Variants in MGAT4C observed in about 807,000 individuals in gnomAD.
MGAT4C encodes the protein MGAT4 family member C.
MGAT4C carries 19 observed loss-of-function variants against 40.1 expected under a neutral mutation model. That is an observed-to-expected ratio of 0.47 (90% confidence interval 0.33 to 0.70). The LOEUF is 0.70. Ranked by LOEUF, MGAT4C falls within the 30% of genes least tolerant of loss-of-function variation. The pLI is 0.02. For missense variants in MGAT4C, 491 were observed against 563.2 expected, an observed-to-expected ratio of 0.87 and a Z score of 1.30; for synonymous variants, 181 against 187.1, an observed-to-expected ratio of 0.97 and a Z score of 0.27.
At chr12:85,992,230 G>T (rs1428107054) in intron 2 of MGAT4C, among the ~76,000 whole-genome samples, 1 of 152,236 alleles carries the variant, frequency 6.6e-6, no homozygotes, top group African/African-American at 2.4e-5. Flanking sequence ...ATGGAGAACA[G>T]ACTTTCTGGG....
At chr12:86,733,112 T>A (rs564712659) in intron 1 of MGAT4C, among the ~76,000 whole-genome samples, 5 of 152,194 alleles carry the variant, frequency 3.3e-5, no homozygotes, top group African/African-American at 1.2e-4. Flanking sequence ...CTATCCAGTA[T>A]AAAGAAAGGT....
intron 1 of MGAT4C, among the ~76,000 whole-genome samples, chr12:86,784,434 G>C (rs543650891): frequency 6.6e-6 from 1 of 151,984 alleles, no homozygotes; most frequent in East Asian, 1.9e-4. Context: ...AGCAAAAAGG[G>C]AATGTCATGT....
chr12:86,114,395 T>C (rs1346963528), intron 1 of MGAT4C, among the ~76,000 whole-genome samples: 3 of 151,874 alleles, frequency 2.0e-5, no homozygotes, highest in Non-Finnish European at 4.4e-5. Context: ...TGTTAACTCT[T>C]CAACAGAGGT....
chr12:86,021,537 A>G lies in MGAT4C; in HGVS notation c.-7+28137T>C, dbSNP rs536408111. 3.5e-5 allele frequency among the ~76,000 whole-genome samples: 5 copies of G among 142,134 alleles called. No homozygotes were observed. In the South Asian group the frequency reaches 1.2e-3, roughly 33 times the overall value. 93.2% of individuals were successfully genotyped at this position (142,134 alleles called of 152,430 possible). On this transcript the variant is annotated intron_variant, in intron 2 of 4. Transcript: ENST00000611864. The stretch of plus-strand genomic sequence containing the variant: ...CTTACTCATAGGTGGGAATTGAACA[A>G]TGAGAACACATGGACACAGTAAGGG...
At chr12:86,046,893 G>A (rs374053486) in intron 2 of MGAT4C, among the ~76,000 whole-genome samples, 124 of 152,114 alleles carry the variant, frequency 8.2e-4, no homozygotes, top group African/African-American at 2.7e-3. Flanking sequence ...AGAAATTAGC[G>A]AAAATACAAA....
At chr12:86,512,578 A>G (rs184939461) in intron 2 of MGAT4C, among the ~76,000 whole-genome samples, 82 of 152,254 alleles carry the variant, frequency 5.4e-4, no homozygotes, top group Non-Finnish European at 1.5e-5. Context: ...ATATACATAC[A>G]ATGGAGTATT....
intron 2 of MGAT4C, among the ~76,000 whole-genome samples, chr12:86,598,271 T>C (rs2136456522): frequency 6.6e-6 from 1 of 152,254 alleles, no homozygotes; most frequent in South Asian, 2.1e-4. Flanking sequence ...GTATAATTTA[T>C]ATATAATTGT....
chr12:86,661,513 T>C (rs1367164033), intron 2 of MGAT4C, among the ~76,000 whole-genome samples: 1 of 152,066 alleles, frequency 6.6e-6, no homozygotes, highest in Non-Finnish European at 1.5e-5. Flanking sequence ...TTAAAGCTAG[T>C]AAAACATAAA....
In MGAT4C at chr12:86,211,456, G is replaced by A. The variant is rs1477432526; in HGVS notation, c.-57+44783C>T. ...AAAAAAATTAGCCGGGCGTGGTGGC[G>A]GTCGCCTGTAGTCCCAGCTACTCGG... is the stretch of plus-strand genomic sequence containing the variant. On this transcript the variant is annotated intron_variant, in intron 1 of 4. Transcript: ENST00000611864. 4.7e-5 allele frequency among the ~76,000 whole-genome samples: 7 copies of A among 148,828 alleles called. No individual in the cohort carries two copies. In the East Asian group the frequency reaches 6.0e-4, roughly 13 times the overall value.
intron 1 of MGAT4C, among the ~76,000 whole-genome samples, chr12:86,152,874 A>G (rs954622052): frequency 2.0e-5 from 3 of 152,186 alleles, no homozygotes; most frequent in Non-Finnish European, 4.4e-5. Flanking sequence ...GAATATAGAA[A>G]TGACTTCCAA....
At position 86,279,495 on chromosome 12, in the gene MGAT4C, T is replaced by C. The variant is rs1267277904; in HGVS notation, c.-57+54570A>G. Among the ~76,000 whole-genome samples, 8 of 152,256 alleles carry C rather than the reference T, an allele frequency of 5.3e-5. No homozygotes were observed. In the East Asian group the frequency reaches 1.5e-3, roughly 29 times the overall value. ...ATTCTTTAATTTTCTGTGGTGTCAG[T>C]TGTAAGTCTCCTTTTCATTTTTGAT... On this transcript the variant is annotated intron_variant, in intron 4 of 7. Coordinates refer to the MGAT4C transcript ENST00000548651.
At chr12:86,693,048 C>T (rs867531869) in intron 2 of MGAT4C, among the ~76,000 whole-genome samples, 1 of 151,948 alleles carries the variant, frequency 6.6e-6, no homozygotes, top group African/African-American at 2.4e-5. Context: ...CTGATTGGAT[C>T]GCCATTAGAT....
intron 1 of MGAT4C, among the ~76,000 whole-genome samples, chr12:86,071,365 A>G (rs1247316833): frequency 6.6e-6 from 1 of 152,090 alleles, no homozygotes; most frequent in Non-Finnish European, 1.5e-5. Flanking sequence ...AGACAGACCC[A>G]ATTGTTTTTT....
intron 2 of MGAT4C, among the ~76,000 whole-genome samples, chr12:86,444,572 C>A (rs941483300): frequency 6.6e-6 from 1 of 152,166 alleles, no homozygotes; most frequent in South Asian, 2.1e-4. Context: ...CAAAATAGAA[C>A]AATTGACTCT....
chr12:86,352,773 A>G (rs1458687076), intron 3 of MGAT4C, among the ~76,000 whole-genome samples: 2 of 151,324 alleles, frequency 1.3e-5, no homozygotes, highest in African/African-American at 4.9e-5. Flanking sequence ...TTAATGATTT[A>G]CCTTAGAAAC....
chr12:86,725,467 G>GT (rs1426036455), intron 2 of MGAT4C, among the ~76,000 whole-genome samples: 14 of 151,628 alleles, frequency 9.2e-5, no homozygotes, highest in South Asian at 2.1e-4. Flanking sequence ...GTTTTGTTTT[G>GT]TTTTTTTGGT....
chr12:86,422,260 T>G (rs754599880), intron 3 of MGAT4C, among the ~76,000 whole-genome samples: 24 of 152,222 alleles, frequency 1.6e-4, no homozygotes, highest in Non-Finnish European at 3.2e-4. Context: ...AACACAAGAT[T>G]AACTGAAGTA....
chr12:86,184,308 C>T (rs971233642), intron 1 of MGAT4C, among the ~76,000 whole-genome samples: 4 of 150,678 alleles, frequency 2.7e-5, no homozygotes, highest in African/African-American at 9.8e-5. Flanking sequence ...ACCTGGGAGG[C>T]AGAAGTTGCA....
At chr12:86,197,145 C>A (rs1379474731) in intron 1 of MGAT4C, among the ~76,000 whole-genome samples, 4 of 152,180 alleles carry the variant, frequency 2.6e-5, no homozygotes, top group African/African-American at 9.6e-5. Context: ...AAATTCTTTG[C>A]CACTTTATGG....
Sources: allele counts gnomAD v4.1 joint callset (sites outside exome capture counted in the v4.1 genomes callset), GRCh38; gene constraint gnomAD v4.1.1; transcripts MANE v1.5; gene names NCBI Gene and HGNC (gene_info 2026-07-23, HGNC 2026-07-21).